Variants in LRRK2 observed in about 807,000 individuals in gnomAD.
LRRK2 encodes leucine rich repeat kinase 2, also known as leucine-rich repeat serine/threonine-protein kinase 2.
In LRRK2, 203 loss-of-function variants were observed where a neutral mutation model predicts 302.6. The ratio of observed to expected loss-of-function variants is 0.67; its 90% CI spans 0.60 to 0.75. The LOEUF (loss-of-function observed/expected upper bound fraction) is 0.75. LRRK2 is among the 30% of genes least tolerant of loss of function. LRRK2 has a pLI of 0.00. For missense variants in LRRK2, 2,830 were observed against 2,951.0 expected (o/e 0.96, Z 0.95); for synonymous variants, 1,066 against 1,031.9 (o/e 1.03, Z -0.63).
chr12:40,270,346 A>T (rs572703122), intron 14 of LRRK2, among the ~76,000 whole-genome samples: 3 of 152,074 alleles, frequency 2.0e-5, no homozygotes, highest in African/African-American at 7.2e-5. Flanking sequence ...GTTTGTGTTT[A>T]TCTTACTCCT....
At chr12:40,234,949 A>G (rs1247108974) in intron 3 of LRRK2, among the ~76,000 whole-genome samples, 1 of 152,182 alleles carries the variant, frequency 6.6e-6, no homozygotes, top group Admixed American at 6.5e-5. Context: ...TATTTATTGG[A>G]AAATAAGTAG....
At chr12:40,250,647 C>T (rs1212927591) in intron 8 of LRRK2, among the ~76,000 whole-genome samples, 2 of 152,182 alleles carry the variant, frequency 1.3e-5, no homozygotes, top group African/African-American at 2.4e-5. Flanking sequence ...TTTCCTAATG[C>T]TCTCCCTTCT....
rs191958690 is a variant in LRRK2, at chr12:40,244,315, T to G, written c.838+634T>G. ...GTCTTCTGCAATTTTCAAATATCAG[T>G]GCTATGATTATAAGAATCAGAAATA... is the stretch of plus-strand genomic sequence containing the variant. On this transcript the variant is annotated intron_variant, in intron 7 of 50. Transcript: ENST00000298910. Among the ~76,000 whole-genome samples, 568 of 152,286 alleles carry G rather than the reference T, an allele frequency of 3.7e-3. 1 individual carries two copies. Among genetic ancestry groups the G allele is most frequent in the African/African-American group, 0.013 (548 of 41,564 alleles).
chr12:40,353,766 G>A (rs973424408), intron 44 of LRRK2, among the ~76,000 whole-genome samples: 5 of 152,258 alleles, frequency 3.3e-5, no homozygotes, highest in African/African-American at 1.2e-4. Context: ...CAGATCACTC[G>A]CGGTTAGGAG....
At chr12:40,230,532 A>C (rs1049406687) in intron 2 of LRRK2, among the ~76,000 whole-genome samples, 2 of 151,906 alleles carry the variant, frequency 1.3e-5, no homozygotes, top group Non-Finnish European at 2.9e-5. Flanking sequence ...CTACCTCTTC[A>C]TATTATATTC....
intron 21 of LRRK2, among the ~76,000 whole-genome samples, chr12:40,293,894 C>CATATATATATATATATATATATAT (rs1491426750): frequency 0.019 from 1,362 of 70,076 alleles, 27 homozygotes; most frequent in Non-Finnish European, 0.031. Flanking sequence ...TTTTTTGGGG[C>CATATATATATATATATATATATAT]ACATATATAT....
Position 40,287,543 on chromosome 12 carries a change from T to A in LRRK2, c.2689+4T>A. ...AGTGATGACCTGGATAGTGAAGGTATTTATTATAAAAAAAAACCCTTTATG... is the reference window on the plus strand; with the variant it reads ...AGTGATGACCTGGATAGTGAAGGTAATTATTATAAAAAAAAACCCTTTATG... On this transcript the variant is annotated splice_donor_region_variant and intron_variant, in intron 20 of 50. Coordinates refer to ENST00000298910, the MANE Select transcript of LRRK2 (RefSeq NM_198578.4). 6.2e-7 allele frequency: 1 copy of A among 1,608,956 alleles called. No homozygotes were observed. The highest frequency in any genetic ancestry group is 8.5e-7 in the Non-Finnish European group (1 of 1,178,016).
At position 40,328,528 on chromosome 12, in the gene LRRK2, A is replaced by G. The variant is rs948864371; in HGVS notation, c.5757+68A>G. The G allele has an allele frequency of 5.6e-6, 7 of 1,245,580 alleles. No homozygotes were observed. In the Middle Eastern group the frequency reaches 1.1e-3, roughly 191 times the overall value. 77.2% of individuals were successfully genotyped at this position (1,245,580 alleles called of 1,614,324 possible). On this transcript the variant is annotated intron_variant, in intron 39 of 50. Transcript: ENST00000298910. ...TAATCTACTGGAACTCTTATTTTGC[A>G]TACAGTTGTGAAAATGCAAAATAAT...
At chr12:40,314,603 G>C (rs1185317416) in intron 32 of LRRK2, among the ~76,000 whole-genome samples, 1 of 152,052 alleles carries the variant, frequency 6.6e-6, no homozygotes, top group Admixed American at 6.6e-5. Flanking sequence ...GGCTCCCTGA[G>C]ATGATGCAGC....
At chr12:40,293,067 ACT>A (rs775239097) in intron 20 of LRRK2, among the ~76,000 whole-genome samples, 9 of 152,016 alleles carry the variant, frequency 5.9e-5, no homozygotes, top group Non-Finnish European at 1.0e-4. Context: ...GAGTTAATCC[ACT>A]CTCTTTCCTA....
intron 11 of LRRK2, among the ~76,000 whole-genome samples, chr12:40,254,483 C>G (rs538654380): frequency 3.3e-5 from 5 of 152,102 alleles, no homozygotes; most frequent in Middle Eastern, 3.2e-3. Flanking sequence ...TCGCTGTTCT[C>G]GAATCTCTCT....
At chr12:40,252,820 T>G (rs1942333945) in intron 10 of LRRK2, 90 bp from the exon 11 acceptor site, 1 of 835,668 alleles carries the variant, frequency 1.2e-6, no homozygotes, top group Admixed American at 1.9e-5. Flanking sequence ...TGCTCTTAAT[T>G]GTTGTTAGAG....
chr12:40,306,007 T>A (rs745941520), intron 28 of LRRK2, 41 bp downstream of exon 28: 1 of 1,455,784 alleles, frequency 6.9e-7, no homozygotes, highest in South Asian at 1.2e-5. Context: ...TAAATTTATT[T>A]CAGATTTTCT....
intron 18 of LRRK2, among the ~76,000 whole-genome samples, chr12:40,280,660 A>AATAAAATAAAATAAAATAAT (rs1565707990): frequency 6.6e-6 from 1 of 150,394 alleles, no homozygotes; most frequent in African/African-American, 2.4e-5. Flanking sequence ...AATAAAATAA[A>AATAAAATAAAATAAAATAAT]ATAATATAAT....
At chr12:40,233,676 G>A (rs1366110268) in intron 3 of LRRK2, among the ~76,000 whole-genome samples, 1 of 152,140 alleles carries the variant, frequency 6.6e-6, no homozygotes, top group Admixed American at 6.5e-5. Context: ...AATGTCCCTT[G>A]GTTTGGGTGA....
At chr12:40,268,447 T>C (rs1943108569) in intron 14 of LRRK2, among the ~76,000 whole-genome samples, 1 of 152,060 alleles carries the variant, frequency 6.6e-6, no homozygotes, top group Non-Finnish European at 1.5e-5. Flanking sequence ...AAATTACATA[T>C]AAGTAAAATT....
At chr12:40,341,367 G>C (rs7963086) in intron 41 of LRRK2, among the ~76,000 whole-genome samples, 130,256 of 152,176 alleles carry the variant, frequency 0.86, 55,796 homozygotes, top group Middle Eastern at 0.91. Flanking sequence ...CGTTTCCTGC[G>C]CACTCAACTT....
chr12:40,276,911 C>A (rs1407511752), intron 16 of LRRK2, among the ~76,000 whole-genome samples: 1 of 152,178 alleles, frequency 6.6e-6, no homozygotes, highest in Non-Finnish European at 1.5e-5. Context: ...CGGTTCACTG[C>A]AACCTCTGCC....
intron 14 of LRRK2, among the ~76,000 whole-genome samples, chr12:40,265,450 T>C (rs1166457516): frequency 6.6e-6 from 1 of 152,138 alleles, no homozygotes; most frequent in Admixed American, 6.6e-5. Flanking sequence ...GAATTCAGGG[T>C]GGGCTTACTA....
Sources: allele counts gnomAD v4.1 joint callset (sites outside exome capture counted in the v4.1 genomes callset), GRCh38; gene constraint gnomAD v4.1.1; transcripts MANE v1.5; gene names NCBI Gene and HGNC (gene_info 2026-07-23, HGNC 2026-07-21).